Variants in DMD observed in about 807,000 individuals in gnomAD.
The protein encoded by DMD is dystrophin.
A neutral mutation model predicts 330.1 loss-of-function variants in DMD; 63 were observed. The observed-to-expected ratio is 0.19, with a 90% CI of 0.16 to 0.24. The LOEUF is 0.24. DMD is among the 10% of genes least tolerant of loss of function. The probability of loss-of-function intolerance (pLI) is 1.00; values close to 1 mark genes in which losing one functional copy is unlikely to be tolerated. For missense variants in DMD, 3,344 were observed against 2,684.1 expected (o/e 1.25, Z -5.43); for synonymous variants, 1,223 against 959.8 (o/e 1.27, Z -5.07).
intron 7 of DMD, among the ~76,000 whole-genome samples, chrX:32,802,030 T>A (rs560830066): frequency 1.8e-5 from 2 of 112,309 alleles, no homozygotes; most frequent in African/African-American, 3.2e-5. Context: ...AAGTAGTTTT[T>A]TTCTAATTCT....
intron 47 of DMD, among the ~76,000 whole-genome samples, chrX:31,887,930 A>G (rs1432939312): frequency 8.9e-6 from 1 of 112,301 alleles, no homozygotes; most frequent in Non-Finnish European, 1.9e-5. Context: ...CAGAAAAGAG[A>G]AGGTAAATCT....
intron 13 of DMD, among the ~76,000 whole-genome samples, chrX:32,586,036 A>C: frequency 9.0e-6 from 1 of 111,619 alleles, no homozygotes; most frequent in Admixed American, 9.6e-5. Flanking sequence ...AAATTTCATT[A>C]GAATATTCAA....
At chrX:32,322,601 G>C (rs889322126) in intron 41 of DMD, among the ~76,000 whole-genome samples, 2 of 110,825 alleles carry the variant, frequency 1.8e-5, no homozygotes, top group Non-Finnish European at 3.8e-5. Context: ...ATAATAAACA[G>C]GGACACATTT....
chrX:32,612,280 C>T (rs1041267267), intron 12 of DMD, among the ~76,000 whole-genome samples: 2 of 111,134 alleles, frequency 1.8e-5, no homozygotes, highest in African/African-American at 3.3e-5. Context: ...TCTGGTGGCA[C>T]TAATTCCACT....
intron 41 of DMD, among the ~76,000 whole-genome samples, chrX:32,332,477 A>G (rs776235107): frequency 2.8e-5 from 3 of 107,034 alleles, no homozygotes; most frequent in Non-Finnish European, 5.8e-5. Flanking sequence ...GATTCATTGA[A>G]AAAAACACTT....
intron 2 of DMD, among the ~76,000 whole-genome samples, chrX:33,008,831 T>C (rs1274306569): frequency 1.1e-5 from 1 of 89,540 alleles, no homozygotes; most frequent in African/African-American, 5.2e-5. Context: ...TGTATACGTA[T>C]ATATATACAC....
intron 1 of DMD, among the ~76,000 whole-genome samples, chrX:33,253,354 A>G (rs902997007): frequency 6.3e-5 from 7 of 111,715 alleles, no homozygotes; most frequent in African/African-American, 2.3e-4. Context: ...CTTGATAACA[A>G]TTGATTATGA....
At chrX:32,635,365 G>T (rs917180626) in intron 11 of DMD, among the ~76,000 whole-genome samples, 7 of 111,398 alleles carry the variant, frequency 6.3e-5, no homozygotes, top group Non-Finnish European at 1.3e-4. Flanking sequence ...GTGGACAGTT[G>T]TTCAATTTGA....
intron 30 of DMD, among the ~76,000 whole-genome samples, chrX:32,397,916 TAAGAA>T (rs1258220010): frequency 1.8e-5 from 2 of 110,652 alleles, no homozygotes; most frequent in Non-Finnish European, 3.8e-5. Flanking sequence ...TTAGAGAAAA[TAAGAA>T]AATATTTTAG....
chrX:32,230,594 T>C (rs1419699736), intron 43 of DMD, among the ~76,000 whole-genome samples: 1 of 111,806 alleles, frequency 8.9e-6, no homozygotes, highest in Non-Finnish European at 1.9e-5. Context: ...AGTATGAAGA[T>C]TTTTTTTGAA....
At chrX:32,263,708 G>C (rs1293550331) in intron 43 of DMD, among the ~76,000 whole-genome samples, 2 of 111,502 alleles carry the variant, frequency 1.8e-5, no homozygotes, top group African/African-American at 6.5e-5. Context: ...GACGACAAAA[G>C]AAGATGAAAA....
At chrX:33,059,650 C>G (rs2094559061) in intron 1 of DMD, among the ~76,000 whole-genome samples, 1 of 111,604 alleles carries the variant, frequency 9.0e-6, no homozygotes. Flanking sequence ...AACCATCACC[C>G]TGTTCTGAAG....
At chrX:32,307,459 A>G (rs2097544736) in intron 42 of DMD, among the ~76,000 whole-genome samples, 2 of 111,913 alleles carry the variant, frequency 1.8e-5, no homozygotes, top group Non-Finnish European at 3.8e-5. Context: ...AGAGAGCCCT[A>G]AGGCAAACAG....
At chrX:31,362,520 C>A (rs1337885029) in intron 60 of DMD, among the ~76,000 whole-genome samples, 2 of 112,644 alleles carry the variant, frequency 1.8e-5, no homozygotes, top group Non-Finnish European at 3.8e-5. Context: ...TGCAAATATT[C>A]CAAAATCCAC....
chrX:32,746,529 C>T (rs746573236), intron 7 of DMD, among the ~76,000 whole-genome samples: 12 of 111,691 alleles, frequency 1.1e-4, no homozygotes, highest in Non-Finnish European at 1.9e-4. Flanking sequence ...TGGTTAGTAT[C>T]TCAGGGAGTG....
chrX:32,181,856 C>A (rs913833397), intron 44 of DMD, among the ~76,000 whole-genome samples: 1 of 111,885 alleles, frequency 8.9e-6, no homozygotes. Context: ...TAAGCTATAT[C>A]CCCCACTTGA....
At chrX:31,363,631 G>A (rs2059082925) in intron 60 of DMD, among the ~76,000 whole-genome samples, 1 of 111,212 alleles carries the variant, frequency 9.0e-6, no homozygotes, top group South Asian at 3.8e-4. Context: ...GCCCACCTCG[G>A]CCTCCCAAAG....
chrX:33,289,454 C>T (rs911484565), intron 1 of DMD, among the ~76,000 whole-genome samples: 1 of 111,392 alleles, frequency 9.0e-6, no homozygotes, highest in African/African-American at 3.3e-5. Context: ...AAACTGTACA[C>T]ATGTTCTATA....
At chrX:31,266,209 C>A (rs2051091381) in intron 62 of DMD, among the ~76,000 whole-genome samples, 1 of 89,199 alleles carries the variant, frequency 1.1e-5, no homozygotes. Flanking sequence ...AATCCCCACC[C>A]CCTGAAATCT....
Sources: gnomAD v4.1 joint callset for allele counts (sites outside exome capture counted in the v4.1 genomes callset) on GRCh38, gnomAD v4.1.1 for gene constraint, MANE v1.5 for transcripts, NCBI Gene and HGNC (gene_info 2026-07-23, HGNC 2026-07-21) for gene names.